The following TRIM62 variants were observed in gnomAD, a reference collection of about 807,000 sequenced individuals.
TRIM62 encodes E3 ubiquitin-protein ligase TRIM62.
A neutral mutation model predicts 44.2 loss-of-function variants in TRIM62; 39 were observed. That is an observed-to-expected ratio of 0.88 (90% CI 0.68 to 1.15). The LOEUF (loss-of-function observed/expected upper bound fraction) is 1.15. Among genes scored for constraint, TRIM62 ranks in the 50% most tolerant of loss-of-function variants. The pLI is 0.00. For synonymous variants in TRIM62, 278 were observed against 292.3 expected, an observed-to-expected ratio of 0.95 and a Z score of 0.50; for missense variants, 544 against 665.5, an observed-to-expected ratio of 0.82 and a Z score of 2.01.
At chr1:33,158,552 C>T (rs1645213807) in intron 3 of TRIM62, among the ~76,000 whole-genome samples, 184 bp from the exon 4 acceptor site, 1 of 152,232 alleles carries the variant, frequency 6.6e-6, no homozygotes, top group African/African-American at 2.4e-5. Flanking sequence ...CCTCAGTCTT[C>T]TCATCTTTAA....
intron 4 of TRIM62, among the ~76,000 whole-genome samples, chr1:33,149,942 C>G (rs1645073817): frequency 1.3e-5 from 2 of 152,206 alleles, no homozygotes; most frequent in South Asian, 4.1e-4. Flanking sequence ...GAAAGACTCA[C>G]CAAATTAAAC....
chr1:33,166,863 T>C (rs1003789353), intron 1 of TRIM62, among the ~76,000 whole-genome samples: 1 of 152,218 alleles, frequency 6.6e-6, no homozygotes, highest in Non-Finnish European at 1.5e-5. Flanking sequence ...CTGGCCTTGT[T>C]TGAAATGTTG....
In TRIM62 at chr1:33,159,629, C is replaced by T. The variant is rs867997943; in HGVS notation, c.761+59G>A. 19 of 1,559,872 alleles carry T rather than the reference C, an allele frequency of 1.2e-5. No homozygotes were observed. In the Middle Eastern group the frequency reaches 1.7e-3, roughly 143 times the overall value. On this transcript the variant is annotated intron_variant, in intron 3 of 4. Transcript: ENST00000291416. The surrounding 1 kb of genome is among the most constrained non-coding windows in gnomAD (Gnocchi z 4.2). Reference sequence around the variant, plus strand: ...TCCCATCTGCCTCCACTCCCACTGCCCAGCATGGGTCGAGGAGGGGATGGT... The same window carrying T: ...TCCCATCTGCCTCCACTCCCACTGCTCAGCATGGGTCGAGGAGGGGATGGT...
At chr1:33,172,954 T>C (rs1037931318) in intron 1 of TRIM62, among the ~76,000 whole-genome samples, 1 of 152,350 alleles carries the variant, frequency 6.6e-6, no homozygotes, top group Non-Finnish European at 1.5e-5. Context: ...ATGGCACCTA[T>C]GACACGGCCC....
At chr1:33,180,637 TG>T (rs1433608110) in intron 1 of TRIM62, among the ~76,000 whole-genome samples, 2 of 152,206 alleles carry the variant, frequency 1.3e-5, no homozygotes, top group Non-Finnish European at 2.9e-5. Flanking sequence ...AGTCTGACAG[TG>T]GCCCTGCCTT....
intron 1 of TRIM62, among the ~76,000 whole-genome samples, chr1:33,168,720 A>G (rs1012638742): frequency 6.6e-6 from 1 of 152,210 alleles, no homozygotes; most frequent in East Asian, 1.9e-4. Context: ...TTTGCCTAAG[A>G]GAGTAGAAAG....
Position 33,147,139 on chromosome 1 carries a change from C to T in TRIM62, c.*38G>A, listed in dbSNP as rs754939797. On this transcript the variant is annotated 3_prime_UTR_variant, in exon 5 of 5. Coordinates refer to ENST00000291416, the MANE Select transcript of TRIM62 (RefSeq NM_018207.3). The surrounding 1 kb of genome is among the most constrained non-coding windows in gnomAD (Gnocchi z 8.1). ...TCCTGGGCAGGGCTCTTGCAGGTGGCAGTGGTCCCAGGAGGTTGTGGTCTC... is the reference window on the plus strand; with the variant it reads ...TCCTGGGCAGGGCTCTTGCAGGTGGTAGTGGTCCCAGGAGGTTGTGGTCTC... 3.1e-6 allele frequency: 5 copies of T among 1,593,886 alleles called. No homozygotes were observed. The East Asian group carries it at 1.1e-4, about 36-fold the overall frequency.
In TRIM62 at chr1:33,181,084, G is replaced by C. The variant is rs1356967120; in HGVS notation, c.349C>G (p.Pro117Ala). The change falls in exon 1 of 5, where the codon CCT becomes GCT. Residue 117 changes from proline to alanine, a missense_variant. By Grantham distance (27) the Pro-to-Ala change is conservative (BLOSUM62 -1). Transcript: ENST00000291416. This position sits in a 1 kb window ranked among gnomAD's most constrained non-coding sequence, Gnocchi z 6.5. ...RALLCFFCDE[P>A]ALHEQHQVTG... ...ACCTGATGCTGCTCGTGCAGTGCAG[G>C]CTCGTCGCAGAAGAAGCAGAGAAGC... The C allele has an allele frequency of 4.4e-6, 7 of 1,599,632 alleles. No homozygotes were observed. Among genetic ancestry groups the C allele is most frequent in the Non-Finnish European group, 5.1e-6 (6 of 1,178,824 alleles).
rs546251491 is a variant in TRIM62 at position 33,165,513 on chromosome 1, G to A, written c.462C>T (p.Thr154=). 9 of 1,610,402 alleles carry A rather than the reference G, an allele frequency of 5.6e-6. No homozygotes were observed. In the African/African-American group the frequency reaches 8.0e-5, roughly 14 times the overall value. The change falls in exon 2 of 5, where the codon ACC becomes ACT. Residue 154 remains threonine (T), a synonymous_variant. Coordinates refer to ENST00000291416, the MANE Select transcript of TRIM62 (RefSeq NM_018207.3). The surrounding 1 kb of genome is among the most constrained non-coding windows in gnomAD (Gnocchi z 4.0). Reference sequence around the variant, plus strand: ...GTCGCTTGAGCAGCTGCAGCGCTTCGGTGTGTTCCCGCTCGCTGTCTTGAA... The same window carrying A: ...GTCGCTTGAGCAGCTGCAGCGCTTCAGTGTGTTCCCGCTCGCTGTCTTGAA... ...QALQDSEREH[T]EALQLLKRQL...
intron 4 of TRIM62, among the ~76,000 whole-genome samples, chr1:33,156,050 C>G (rs2124724260): frequency 6.6e-6 from 1 of 152,358 alleles, no homozygotes. Flanking sequence ...TCTACTTTCT[C>G]TGGGCTCCTG....
At chr1:33,169,320 C>T (rs547452369) in intron 1 of TRIM62, among the ~76,000 whole-genome samples, 5 of 152,302 alleles carry the variant, frequency 3.3e-5, no homozygotes, top group African/African-American at 1.2e-4. Context: ...ATCCTTGATT[C>T]CTACCGCCTC....
intron 1 of TRIM62, chr1:33,176,355 C>T: frequency 3.0e-6 from 2 of 662,356 alleles, no homozygotes; most frequent in Non-Finnish European, 5.6e-6. Context: ...CCCCAGCCCC[C>T]TCCCTCCTTG....
At chr1:33,163,965 A>G (rs1343232877) in intron 2 of TRIM62, 2 of 152,706 alleles carry the variant, frequency 1.3e-5, no homozygotes, top group Non-Finnish European at 2.9e-5. Context: ...GGAGAAAAAC[A>G]AAGAGGGTGT....
intron 1 of TRIM62, among the ~76,000 whole-genome samples, chr1:33,166,964 C>A (rs1460209514): frequency 2.6e-5 from 4 of 152,144 alleles, no homozygotes; most frequent in African/African-American, 9.7e-5. Context: ...GTTTGGGGCA[C>A]CCTCTGATCC....
chr1:33,169,424 G>A (rs80007222), intron 1 of TRIM62, among the ~76,000 whole-genome samples: 6,887 of 152,168 alleles, frequency 0.045, 254 homozygotes, highest in African/African-American at 0.1. Flanking sequence ...TCTTTTCTGG[G>A]CTGTGGCCCC....
chr1:33,168,283 A>G (rs376209338), intron 1 of TRIM62, among the ~76,000 whole-genome samples: 1 of 152,234 alleles, frequency 6.6e-6, no homozygotes, highest in East Asian at 1.9e-4. Context: ...AGCTGAAACC[A>G]GAAGAGTAGA....
In TRIM62 at chr1:33,159,586, A is replaced by G. The variant is rs941047930; in HGVS notation, c.761+102T>C. The G allele has an allele frequency of 7.0e-7, 1 of 1,436,752 alleles. No individual in the cohort carries two copies. Among genetic ancestry groups the G allele is most frequent in the African/African-American group, 1.4e-5 (1 of 70,606 alleles). 89.0% of individuals were successfully genotyped at this position (1,436,752 alleles called of 1,614,324 possible). A position where few individuals can be genotyped will look rare whatever the true frequency, so the allele number is the denominator to read the frequency against. ...AATGTTTGATGAAGATTTGAATGAAAGAATTCTCTGCTAAGGATCCCATCT... is the reference window on the plus strand; with the variant it reads ...AATGTTTGATGAAGATTTGAATGAAGGAATTCTCTGCTAAGGATCCCATCT... On this transcript the variant is annotated intron_variant, in intron 3 of 4. Transcript: ENST00000291416. The surrounding 1 kb of genome is among the most constrained non-coding windows in gnomAD (Gnocchi z 4.2).
chr1:33,161,560 G>A lies in TRIM62; in HGVS notation c.505-1616C>T, dbSNP rs1408343744. Reference sequence around the variant, plus strand: ...GCTGGCGGTGGGCCAGCCTCGCTGCGCATGCCCACCCAGAACGCCAGGCAG... The same window carrying A: ...GCTGGCGGTGGGCCAGCCTCGCTGCACATGCCCACCCAGAACGCCAGGCAG... On this transcript the variant is annotated intron_variant, in intron 2 of 4. Coordinates refer to ENST00000291416, the MANE Select transcript of TRIM62 (RefSeq NM_018207.3). This position sits in a 1 kb window ranked among gnomAD's most constrained non-coding sequence, Gnocchi z 4.3. Among the ~76,000 whole-genome samples the A allele has an allele frequency of 6.6e-6, 1 of 152,116 alleles. No homozygotes were observed. Among genetic ancestry groups the A allele is most frequent in the Non-Finnish European group, 1.5e-5 (1 of 68,010 alleles).
chr1:33,166,990 C>G (rs1645334850), intron 1 of TRIM62, among the ~76,000 whole-genome samples: 1 of 152,226 alleles, frequency 6.6e-6, no homozygotes, highest in South Asian at 2.1e-4. Flanking sequence ...CTGTCTCCAA[C>G]ACCCTCCCCC....
Sources: allele counts gnomAD v4.1 joint callset (sites outside exome capture counted in the v4.1 genomes callset), GRCh38; gene constraint gnomAD v4.1.1; non-coding constraint Gnocchi (gnomAD v3.1); transcripts MANE v1.5; gene names NCBI Gene and HGNC (gene_info 2026-07-23, HGNC 2026-07-21).